SLC17A6: variants seen among roughly 807,000 people sequenced by gnomAD.
SLC17A6 encodes vesicular glutamate transporter 2.
SLC17A6 carries 35 observed loss-of-function variants against 67.1 expected under a neutral mutation model. That is an observed-to-expected ratio of 0.52 (90% CI 0.40 to 0.69). The LOEUF (loss-of-function observed/expected upper bound fraction) is 0.69. Ranked by LOEUF, SLC17A6 falls within the 30% of genes least tolerant of loss-of-function variation. The pLI is 0.00. For synonymous variants in SLC17A6, 285 were observed against 252.3 expected (o/e 1.13, Z -1.23); for missense variants, 588 against 723.9 (o/e 0.81, Z 2.15).
At chr11:22,365,423 G>T in intron 6 of SLC17A6, 124 bp from the exon 7 acceptor site, 1 of 1,148,312 alleles carries the variant, frequency 8.7e-7, no homozygotes, top group East Asian at 2.4e-5. Flanking sequence ...ACGTCAGTTG[G>T]AGAAACATAA....
chr11:22,354,380 G>A (rs1413323945), intron 3 of SLC17A6, among the ~76,000 whole-genome samples: 1 of 152,058 alleles, frequency 6.6e-6, no homozygotes, highest in South Asian at 2.1e-4. Context: ...CACCGCGCCC[G>A]GCAATTTTAT....
At chr11:22,373,711 T>G (rs930454911) in intron 8 of SLC17A6, among the ~76,000 whole-genome samples, 4 of 152,174 alleles carry the variant, frequency 2.6e-5, no homozygotes, top group African/African-American at 9.7e-5. Flanking sequence ...TTTTTTTTAT[T>G]TAATAAGAAC....
At chr11:22,371,889 T>C (rs1016316956) in intron 8 of SLC17A6, among the ~76,000 whole-genome samples, 1 of 152,006 alleles carries the variant, frequency 6.6e-6, no homozygotes, top group African/African-American at 2.4e-5. Flanking sequence ...ATGGAGAACA[T>C]AGGGAATTTG....
At chr11:22,377,183 T>C (rs1856240885) in intron 11 of SLC17A6, among the ~76,000 whole-genome samples, 1 of 152,218 alleles carries the variant, frequency 6.6e-6, no homozygotes, top group Non-Finnish European at 1.5e-5. Flanking sequence ...GCCATAGATA[T>C]ATTTGTAATT....
intron 8 of SLC17A6, 136 bp from the exon 9 acceptor site, chr11:22,374,615 GAGTA>G: frequency 3.0e-6 from 2 of 656,082 alleles, no homozygotes. Flanking sequence ...TTCTAGGAAT[GAGTA>G]AGTGATCATT....
intron 6 of SLC17A6, among the ~76,000 whole-genome samples, chr11:22,363,235 G>C (rs530378681): frequency 1.4e-5 from 2 of 147,214 alleles, no homozygotes; most frequent in Admixed American, 1.4e-4. Flanking sequence ...GCTGAAAGGG[G>C]GGGTGGAAAG....
intron 3 of SLC17A6, among the ~76,000 whole-genome samples, chr11:22,353,695 T>C (rs894978831): frequency 5.9e-5 from 9 of 152,232 alleles, no homozygotes; most frequent in Non-Finnish European, 1.3e-4. Context: ...TCCATTTGTG[T>C]TTTTTAAAGG....
chr11:22,375,972 G>C lies in SLC17A6; in HGVS notation c.1175-10G>C. ...ATTTCTGAAGAATTTCTATGTGTTT[G>C]CTTCTGAAGGTTTTGGCATGGAAGC... On this transcript the variant is annotated splice_polypyrimidine_tract_variant and intron_variant, in intron 9 of 11. Transcript: ENST00000263160. 1 of 1,583,930 alleles carries C rather than the reference G, an allele frequency of 6.3e-7. No individual in the cohort carries two copies. The highest frequency in any genetic ancestry group is 1.3e-5 in the African/African-American group (1 of 74,080).
At chr11:22,368,694 A>G (rs1166900391) in intron 7 of SLC17A6, among the ~76,000 whole-genome samples, 1 of 152,090 alleles carries the variant, frequency 6.6e-6, no homozygotes, top group Non-Finnish European at 1.5e-5. Context: ...ACATAATACT[A>G]TAATGCAGAC....
chr11:22,376,045 T>A lies in SLC17A6; in HGVS notation c.1238T>A (p.Ile413Asn). The change falls in exon 10 of 12, where the codon ATC becomes AAC. Residue 413 changes from isoleucine (I) to asparagine (N), a missense_variant. By Grantham distance (149) the Ile-to-Asn change is moderately radical. Around this residue, in one of 4 missense-constraint regions of SLC17A6, gnomAD observed 414 missense variants for 563.4 expected, o/e 0.73. Transcript: ENST00000263160. ...TATTCTCATACTAGAGGGGTAGCAA[T>A]CTCATTCTTGGTACTTGCAGTGGGA... is the stretch of plus-strand genomic sequence containing the variant. ...VGYSHTRGVA[I>N]SFLVLAVGFS... 6.2e-7 allele frequency: 1 copy of A among 1,612,632 alleles called. No individual in the cohort carries two copies. The highest frequency in any genetic ancestry group is 8.5e-7 in the Non-Finnish European group (1 of 1,179,216).
Position 22,344,013 on chromosome 11 carries a change from G to A in SLC17A6, c.458+648G>A, listed in dbSNP as rs148255593. Among the ~76,000 whole-genome samples, 6 of 152,180 alleles carry A rather than the reference G, an allele frequency of 3.9e-5. No individual in the cohort carries two copies. In the East Asian group the frequency reaches 1.2e-3, roughly 29 times the overall value. On this transcript the variant is annotated intron_variant, in intron 3 of 11. Transcript: ENST00000263160. The stretch of plus-strand genomic sequence containing the variant: ...GCCAGTTCCCAGAAGCGCCACCAAC[G>A]GCACCTGGAGAGACACCCCTAAAGC...
intron 7 of SLC17A6, among the ~76,000 whole-genome samples, chr11:22,366,473 AT>A (rs1214240733): frequency 6.6e-6 from 1 of 152,176 alleles, no homozygotes; most frequent in Non-Finnish European, 1.5e-5. Context: ...ACATAATTTA[AT>A]TATTTTATTG....
intron 8 of SLC17A6, among the ~76,000 whole-genome samples, chr11:22,374,526 CA>C (rs11424894): frequency 0.039 from 5,713 of 147,864 alleles, 328 homozygotes; most frequent in African/African-American, 0.13. Flanking sequence ...CATTACGTGG[CA>C]AAAAAAAAAA....
chr11:22,354,089 TC>T (rs533198234), intron 3 of SLC17A6, among the ~76,000 whole-genome samples: 1 of 145,052 alleles, frequency 6.9e-6, no homozygotes, highest in Non-Finnish European at 1.5e-5. Context: ...TTTTTTTTCT[TC>T]TTTTTTTTTT....
intron 3 of SLC17A6, among the ~76,000 whole-genome samples, chr11:22,344,796 CAA>C (rs1020582779): frequency 7.9e-5 from 12 of 152,050 alleles, no homozygotes; most frequent in African/African-American, 2.9e-4. Flanking sequence ...TGATAGTAGG[CAA>C]AAATTAAAGA....
intron 6 of SLC17A6, among the ~76,000 whole-genome samples, chr11:22,363,550 G>A (rs1428346120): frequency 2.0e-5 from 3 of 152,166 alleles, no homozygotes; most frequent in Non-Finnish European, 4.4e-5. Flanking sequence ...ATTGCCATGA[G>A]AATCTGAAAT....
chr11:22,339,093 A>ATATATATATGT (rs1241044989), intron 1 of SLC17A6, among the ~76,000 whole-genome samples: 9 of 89,916 alleles, frequency 1.0e-4, no homozygotes, highest in African/African-American at 3.4e-4. Flanking sequence ...TATATATGTT[A>ATATATATATGT]TATATATATG....
At position 22,377,948 on chromosome 11, in the gene SLC17A6, A is replaced by G. The variant is rs1856250366; in HGVS notation, c.*208A>G. The G allele has an allele frequency of 1.9e-6, 1 of 527,268 alleles. No homozygotes were observed. The highest frequency in any genetic ancestry group is 1.9e-5 in the African/African-American group (1 of 51,690). 32.7% of individuals were successfully genotyped at this position (527,268 alleles called of 1,614,324 possible). ...TCCATCATTTCCATTCAAGTCATCC[A>G]TTCTTGCATTTGTGACTTAAAGGTT... On this transcript the variant is annotated 3_prime_UTR_variant, in exon 12 of 12. Transcript: ENST00000263160.
intron 8 of SLC17A6, among the ~76,000 whole-genome samples, chr11:22,372,517 AG>A (rs1300175628): frequency 6.6e-6 from 1 of 152,006 alleles, no homozygotes; most frequent in African/African-American, 2.4e-5. Context: ...GTCAGATTAT[AG>A]GGGCAAGCCA....
Sources: allele counts gnomAD v4.1 joint callset (sites outside exome capture counted in the v4.1 genomes callset), GRCh38; gene constraint gnomAD v4.1.1; regional missense constraint gnomAD v4.1.1; transcripts MANE v1.5; gene names NCBI Gene and HGNC (gene_info 2026-07-23, HGNC 2026-07-21).